Variants in CLIC5 observed in about 807,000 individuals in gnomAD.
The protein encoded by CLIC5 is chloride intracellular channel protein 5.
In CLIC5, 20 loss-of-function variants were observed where a neutral mutation model predicts 24.7. The observed-to-expected ratio is 0.81, with a 90% confidence interval of 0.57 to 1.18. CLIC5 has a LOEUF of 1.18. Among genes scored for constraint, CLIC5 ranks in the 50% most tolerant of loss-of-function variants. The pLI, the probability that CLIC5 is intolerant of heterozygous loss-of-function variation, is 0.00. For missense variants in CLIC5, 341 were observed against 326.1 expected (o/e 1.05, Z -0.35); for synonymous variants, 159 against 135.6 (o/e 1.17, Z -1.20).
At chr6:46,049,061 A>G (rs1025740080) in intron 1 of CLIC5, among the ~76,000 whole-genome samples, 1 of 152,192 alleles carries the variant, frequency 6.6e-6, no homozygotes, top group African/African-American at 2.4e-5. Flanking sequence ...CCCTGCAACT[A>G]CTAGGGTAAG....
intron 3 of CLIC5, among the ~76,000 whole-genome samples, chr6:45,948,380 T>C (rs1294455283): frequency 6.6e-6 from 1 of 152,054 alleles, no homozygotes; most frequent in Admixed American, 6.5e-5. Context: ...TTCCTCTATC[T>C]CCAGCTTCAT....
At chr6:45,992,439 G>C (rs1031182103) in intron 1 of CLIC5, among the ~76,000 whole-genome samples, 27 of 152,148 alleles carry the variant, frequency 1.8e-4, no homozygotes, top group African/African-American at 6.5e-4. Context: ...ATTTTAATGG[G>C]GATCCTGAAA....
chr6:46,076,311 A>T (rs569836467), intron 1 of CLIC5, among the ~76,000 whole-genome samples: 1 of 152,366 alleles, frequency 6.6e-6, no homozygotes, highest in East Asian at 1.9e-4. Flanking sequence ...AAATATGGCC[A>T]TGTCCGAATT....
At chr6:46,052,285 C>T (rs1768125485) in intron 1 of CLIC5, among the ~76,000 whole-genome samples, 1 of 152,214 alleles carries the variant, frequency 6.6e-6, no homozygotes, top group Non-Finnish European at 1.5e-5. Context: ...CATTCACCAG[C>T]TCCCAAGCTG....
intron 1 of CLIC5, among the ~76,000 whole-genome samples, chr6:45,996,696 T>C (rs1324196804): frequency 4.6e-5 from 7 of 152,136 alleles, no homozygotes; most frequent in East Asian, 1.9e-4. Context: ...GGGCGAAGGA[T>C]ATGAACAGAC....
At chr6:46,084,608 C>T (rs1030468158), upstream of CLIC5, among the ~76,000 whole-genome samples, 6 of 152,214 alleles carry the variant, frequency 3.9e-5, no homozygotes, top group Admixed American at 6.5e-5. Flanking sequence ...GGCCCCCACT[C>T]TCTTCTGGCT....
chr6:46,021,598 G>A (rs1209602444), intron 1 of CLIC5, among the ~76,000 whole-genome samples: 1 of 152,174 alleles, frequency 6.6e-6, no homozygotes, highest in Admixed American at 6.5e-5. Flanking sequence ...ATATCACTTA[G>A]CGATAAAAAG....
intron 1 of CLIC5, among the ~76,000 whole-genome samples, chr6:45,965,740 T>C (rs1209257961): frequency 6.6e-6 from 1 of 152,194 alleles, no homozygotes; most frequent in Non-Finnish European, 1.5e-5. Flanking sequence ...ATACAGGAAA[T>C]ATGTTTTCCA....
the CLIC5 span, among the ~76,000 whole-genome samples, chr6:46,102,887 G>A: frequency 9.2e-3 from 1,405 of 152,290 alleles, 20 homozygotes; most frequent in African/African-American, 0.031. Context: ...TGGGACAAAC[G>A]TCAATGAAGA....
chr6:46,083,428 C>T (rs1210566217), upstream of CLIC5, among the ~76,000 whole-genome samples: 2 of 152,116 alleles, frequency 1.3e-5, no homozygotes, highest in African/African-American at 4.8e-5. Context: ...ATAAATTTCC[C>T]TCTACACACT....
intron 1 of CLIC5, among the ~76,000 whole-genome samples, chr6:46,012,730 A>G (rs1008068043): frequency 3.9e-5 from 6 of 152,214 alleles, no homozygotes; most frequent in Non-Finnish European, 7.3e-5. Context: ...CTGTGAGCAC[A>G]TGTATTGTTC....
At chr6:46,020,545 A>G (rs1767146809), upstream of CLIC5, among the ~76,000 whole-genome samples, 2 of 151,990 alleles carry the variant, frequency 1.3e-5, no homozygotes, top group East Asian at 1.9e-4. Context: ...CTAAAACCAA[A>G]GCAAGCAAAA....
At chr6:45,920,031 T>C in intron 4 of CLIC5, 1 of 292,186 alleles carries the variant, frequency 3.4e-6, no homozygotes, top group Non-Finnish European at 5.1e-6. Flanking sequence ...CCATCACTCC[T>C]TGGGTATTCA....
At chr6:46,055,700 C>T (rs552079822) in intron 1 of CLIC5, among the ~76,000 whole-genome samples, 1 of 152,214 alleles carries the variant, frequency 6.6e-6, no homozygotes, top group Non-Finnish European at 1.5e-5. Context: ...CACATGGGAG[C>T]TGGTGGCTGT....
rs139746823 is a variant in CLIC5 at position 45,967,789 on chromosome 6, AAG to A, written c.64-12547_64-12546del. 1.4e-3 allele frequency among the ~76,000 whole-genome samples: 206 copies of A among 148,204 alleles called. 1 individual carries two copies. The highest frequency in any genetic ancestry group is 1.5e-3 in the Non-Finnish European group (97 of 66,682). On this transcript the variant is annotated intron_variant, in intron 1 of 5. Coordinates refer to ENST00000339561, the MANE Select transcript of CLIC5 (RefSeq NM_016929.5). ...CACTTTCCATGGCAAAAGCAGGGGC[AAG>A]AGAGAGAGAGAGAGAGGAACCAGGA...
In CLIC5 at chr6:46,015,578, G is replaced by A. The variant is rs1431611302; in HGVS notation, c.-36C>T. ...CCCGGGGCTACCGTCCCGGGCCGGG[G>A]AGGCGCCACCTCTGCAGCACCTGGG... On this transcript the variant is annotated 5_prime_UTR_variant, in exon 1 of 6. Coordinates refer to ENST00000339561, the MANE Select transcript of CLIC5 (RefSeq NM_016929.5). The A allele has an allele frequency of 1.9e-6, 3 of 1,543,244 alleles. No homozygotes were observed. Among genetic ancestry groups the A allele is most frequent in the Non-Finnish European group, 2.6e-6 (3 of 1,145,038 alleles).
intron 1 of CLIC5, among the ~76,000 whole-genome samples, chr6:46,079,267 T>C (rs913686799): frequency 6.6e-6 from 1 of 152,232 alleles, no homozygotes; most frequent in Non-Finnish European, 1.5e-5. Flanking sequence ...ATAGCCTTTA[T>C]TGACCACCTA....
chr6:45,883,112 T>C lies in CLIC5; in HGVS notation c.624-1924A>G, dbSNP rs1313782692. 4.6e-5 allele frequency among the ~76,000 whole-genome samples: 7 copies of C among 152,286 alleles called. 1 individual carries two copies. In the South Asian group the frequency reaches 8.3e-4, roughly 18 times the overall value. On this transcript the variant is annotated intron_variant, in intron 6 of 6. Coordinates refer to the CLIC5 transcript ENST00000644324. ...CTCTGGGATTCAAGAAAGTAAATTC[T>C]TACCTGTAGAACAAAGGGCTTGTTT...
rs1561951122 is a variant in CLIC5 at position 45,941,565 on chromosome 6, T to A, written c.388A>T (p.Lys130Ter). Residue 130 changes from lysine (K) to a stop codon, truncating the protein, a stop_gained, in exon 4 of 6, where the codon AAG (lysine) becomes TAG (stop). Transcript: ENST00000339561. LOFTEE classifies it high-confidence loss of function. ...SKFSAYIKNTKQQNNAALERG... is the reference protein window; with the variant it reads ...SKFSAYIKNT Reference sequence around the variant, plus strand: ...CACTCACCAGCATTGTTCTGCTGCTTGGTATTTTTGATGTAGGCAGAAAAC... The same window carrying A: ...CACTCACCAGCATTGTTCTGCTGCTAGGTATTTTTGATGTAGGCAGAAAAC... 1 of 1,613,324 alleles carries A rather than the reference T, an allele frequency of 6.2e-7. No individual in the cohort carries two copies.
Sources: allele counts gnomAD v4.1 joint callset (sites outside exome capture counted in the v4.1 genomes callset), GRCh38; gene constraint gnomAD v4.1.1; transcripts MANE v1.5; gene names NCBI Gene and HGNC (gene_info 2026-07-23, HGNC 2026-07-21).